Variants in QTGAL observed in about 807,000 individuals in gnomAD.
The protein encoded by QTGAL is queuosine-tRNA galactosyltransferase, also known as BGnT-like protein 1.
the QTGAL span, among the ~76,000 whole-genome samples, chr17:82,974,625 T>G: frequency 6.6e-6 from 1 of 152,126 alleles, no homozygotes; most frequent in East Asian, 1.9e-4. Flanking sequence ...ACTGCTTGTG[T>G]GTGGGGATCC....
chr17:82,996,479 G>A, the QTGAL span, among the ~76,000 whole-genome samples: 9 of 149,978 alleles, frequency 6.0e-5, no homozygotes, highest in South Asian at 6.3e-4. Flanking sequence ...CCGAGAACGC[G>A]CGACTGCACT....
chr17:83,036,574 A>AAAGG, the QTGAL span, among the ~76,000 whole-genome samples: 1 of 152,208 alleles, frequency 6.6e-6, no homozygotes, highest in Non-Finnish European at 1.5e-5. Flanking sequence ...AAAAGGCTGA[A>AAAGG]CGATGACCTG....
At chr17:83,021,242 C>T in the QTGAL span, among the ~76,000 whole-genome samples, 7 of 151,728 alleles carry the variant, frequency 4.6e-5, no homozygotes, top group Admixed American at 6.6e-5. Context: ...ACCAAGAACG[C>T]GGAATAAGTA....
At chr17:82,988,437 A>G in the QTGAL span, among the ~76,000 whole-genome samples, 1 of 152,240 alleles carries the variant, frequency 6.6e-6, no homozygotes, top group Non-Finnish European at 1.5e-5. Context: ...CATTCGGGAC[A>G]TAGGCATGGG....
the QTGAL span, among the ~76,000 whole-genome samples, chr17:83,044,874 T>C: frequency 2.4e-4 from 36 of 151,074 alleles, no homozygotes; most frequent in Non-Finnish European, 1.5e-4. Flanking sequence ...TGAACCCAGG[T>C]GGCGGAGCTT....
the QTGAL span, among the ~76,000 whole-genome samples, chr17:82,971,571 C>T: frequency 7.8e-6 from 1 of 128,524 alleles, no homozygotes; most frequent in South Asian, 2.8e-4. Context: ...GTGCCAACCA[C>T]ACCACACTCA....
the QTGAL span, among the ~76,000 whole-genome samples, chr17:82,996,948 A>G: frequency 1.3e-5 from 2 of 152,248 alleles, no homozygotes; most frequent in Non-Finnish European, 2.9e-5. Flanking sequence ...AACTACTGAA[A>G]GAAAACATTG....
chr17:82,981,672 C>A, the QTGAL span: 1 of 152,242 alleles, frequency 6.6e-6, no homozygotes, highest in Non-Finnish European at 1.5e-5. Flanking sequence ...TTCGGAGCCA[C>A]CTGAATCTAC....
the QTGAL span, among the ~76,000 whole-genome samples, chr17:82,963,778 T>C: frequency 6.6e-6 from 1 of 152,094 alleles, no homozygotes; most frequent in Non-Finnish European, 1.5e-5. Flanking sequence ...AAGTGTTTTT[T>C]GGGGGATGAC....
chr17:82,960,667 G>A, the QTGAL span, among the ~76,000 whole-genome samples: 2 of 152,136 alleles, frequency 1.3e-5, no homozygotes. Flanking sequence ...CGATTCCCTG[G>A]CCGTGCCTCT....
At chr17:83,046,317 A>G in the QTGAL span, among the ~76,000 whole-genome samples, 1 of 151,522 alleles carries the variant, frequency 6.6e-6, no homozygotes, top group Non-Finnish European at 1.5e-5. Context: ...TGGTATTTTT[A>G]GTAGAGATGG....
At chr17:83,026,624 G>C in the QTGAL span, among the ~76,000 whole-genome samples, 32 of 137,658 alleles carry the variant, frequency 2.3e-4, no homozygotes, top group East Asian at 6.7e-4. Flanking sequence ...ATACACAGAG[G>C]AGGGCAGGAA....
the QTGAL span, chr17:82,947,056 G>T: frequency 7.3e-7 from 1 of 1,365,152 alleles, no homozygotes; most frequent in Non-Finnish European, 1.0e-6. Context: ...CTCCTCCAGG[G>T]CCAGGGGTTG....
chr17:82,971,642 G>A, the QTGAL span, among the ~76,000 whole-genome samples: 22,015 of 73,938 alleles, frequency 0.3, 2,280 homozygotes, highest in East Asian at 0.42. Context: ...AGGACCTGGT[G>A]CCGACCACAC....
the QTGAL span, chr17:82,946,975 T>G: frequency 1.9e-6 from 3 of 1,560,280 alleles, no homozygotes; most frequent in Non-Finnish European, 2.6e-6. Context: ...AGGCGCCCCC[T>G]GTGAGGTCCT....
At chr17:83,031,294 C>T in the QTGAL span, among the ~76,000 whole-genome samples, 24 of 149,340 alleles carry the variant, frequency 1.6e-4, no homozygotes, top group African/African-American at 5.5e-4. Flanking sequence ...CGTTTTCCAG[C>T]GGGGAAGGGT....
At chr17:83,028,384 C>T in the QTGAL span, among the ~76,000 whole-genome samples, 9 of 149,970 alleles carry the variant, frequency 6.0e-5, no homozygotes, top group Non-Finnish European at 1.3e-4. Context: ...ATTAGCCGGG[C>T]GAGGTGGCGG....
At chr17:83,032,430 G>C in the QTGAL span, among the ~76,000 whole-genome samples, 198 of 59,892 alleles carry the variant, frequency 3.3e-3, 14 homozygotes, top group East Asian at 8.5e-3. Context: ...GGCCTCCGAC[G>C]CAGACCGAAC....
chr17:83,015,077 G>C, the QTGAL span, among the ~76,000 whole-genome samples: 1 of 150,384 alleles, frequency 6.6e-6, no homozygotes, highest in East Asian at 1.9e-4. This position sits in a 1 kb window ranked among gnomAD's most constrained non-coding sequence, Gnocchi z 4.4. Flanking sequence ...CCACTGTGGA[G>C]GGGACCGTCT....
Sources: allele counts gnomAD v4.1 joint callset (sites outside exome capture counted in the v4.1 genomes callset), GRCh38; gene constraint gnomAD v4.1.1; non-coding constraint Gnocchi (gnomAD v3.1); transcripts MANE v1.5; gene names NCBI Gene and HGNC (gene_info 2026-07-23, HGNC 2026-07-21).